The following PAX7 variants were observed in gnomAD, a reference collection of about 807,000 sequenced individuals.
PAX7 encodes paired box protein Pax-7.
In PAX7, 18 loss-of-function variants were observed where a neutral mutation model predicts 50.7. That is an observed-to-expected ratio of 0.36 (90% CI 0.25 to 0.53). The LOEUF (loss-of-function observed/expected upper bound fraction) is 0.53. PAX7 is among the 20% of genes least tolerant of loss of function. The pLI is 0.93. For missense variants in PAX7, 644 were observed against 702.9 expected, an observed-to-expected ratio of 0.92 and a Z score of 0.95; for synonymous variants, 310 against 290.4, an observed-to-expected ratio of 1.07 and a Z score of -0.69.
At position 18,682,765 on chromosome 1, in the gene PAX7, G is replaced by A. The variant is rs1371491926; in HGVS notation, c.587-8989G>A. ...CCTTAAGACATTCTCGGCCCCTCCTGGGTCTGCCTGGGAAGGGGAGAGAGG... is the reference window on the plus strand; with the variant it reads ...CCTTAAGACATTCTCGGCCCCTCCTAGGTCTGCCTGGGAAGGGGAGAGAGG... On this transcript the variant is annotated intron_variant, in intron 4 of 8. Transcript: ENST00000420770. Among the ~76,000 whole-genome samples the A allele has an allele frequency of 2.6e-5, 4 of 152,192 alleles. No homozygotes were observed. The South Asian group carries it at 8.3e-4, about 32-fold the overall frequency.
intron 7 of PAX7, among the ~76,000 whole-genome samples, chr1:18,732,502 T>C (rs1207517558): frequency 6.6e-6 from 1 of 152,180 alleles, no homozygotes; most frequent in Admixed American, 6.5e-5. Context: ...GACTGGCACA[T>C]AGTAGCACCC....
At chr1:18,671,519 G>A (rs2100237609) in intron 4 of PAX7, among the ~76,000 whole-genome samples, 1 of 152,296 alleles carries the variant, frequency 6.6e-6, no homozygotes, top group Non-Finnish European at 1.5e-5. Flanking sequence ...GGGCCAGGTG[G>A]GAGGAGGGTG....
At chr1:18,723,157 G>A (rs1447751837) in intron 7 of PAX7, among the ~76,000 whole-genome samples, 2 of 152,112 alleles carry the variant, frequency 1.3e-5, no homozygotes, top group Non-Finnish European at 2.9e-5. Flanking sequence ...GCTCTCTAAG[G>A]AATGGCCATC....
intron 7 of PAX7, among the ~76,000 whole-genome samples, chr1:18,704,509 A>G (rs1054818284): frequency 6.6e-6 from 1 of 152,142 alleles, no homozygotes; most frequent in African/African-American, 2.4e-5. Flanking sequence ...AATTTCAGCT[A>G]CTTGGGAGGC....
chr1:18,717,300 C>CG (rs1286896430), intron 7 of PAX7, among the ~76,000 whole-genome samples: 2 of 152,196 alleles, frequency 1.3e-5, no homozygotes, highest in Admixed American at 1.3e-4. Flanking sequence ...TCGGCCGTCT[C>CG]GGGACGGGGC....
intron 7 of PAX7, among the ~76,000 whole-genome samples, chr1:18,708,807 C>T (rs954668981): frequency 5.3e-5 from 8 of 151,974 alleles, no homozygotes; most frequent in East Asian, 1.9e-4. Flanking sequence ...CATAGTCTGA[C>T]GGAAGAGACA....
chr1:18,737,371 C>T (rs12145271), intron 8 of PAX7, among the ~76,000 whole-genome samples: 7,062 of 152,124 alleles, frequency 0.046, 229 homozygotes, highest in East Asian at 0.088. Flanking sequence ...TTGGCCTCCA[C>T]TGCCAAATGA....
At chr1:18,656,835 TA>T (rs1266711948) in intron 4 of PAX7, among the ~76,000 whole-genome samples, 1 of 150,484 alleles carries the variant, frequency 6.6e-6, no homozygotes, top group Non-Finnish European at 1.5e-5. Flanking sequence ...TACCAAAAAA[TA>T]AAAAAATTAG....
chr1:18,730,691 A>G (rs1416791738), intron 7 of PAX7, among the ~76,000 whole-genome samples: 1 of 152,106 alleles, frequency 6.6e-6, no homozygotes, highest in Non-Finnish European at 1.5e-5. Context: ...GAGGGAACTA[A>G]TTACATTTTT....
rs1253282775 is a variant in PAX7, at chr1:18,747,189, G to C, written c.*2260G>C. Reference sequence around the variant, plus strand: ...GTATCCTGACACCCTCTGTGACTCAGGAGCAGGGATCTCAGGCAGCTGATA... The same window carrying C: ...GTATCCTGACACCCTCTGTGACTCACGAGCAGGGATCTCAGGCAGCTGATA... On this transcript the variant is annotated 3_prime_UTR_variant, in exon 9 of 9. Coordinates refer to ENST00000420770, the MANE Select transcript of PAX7 (RefSeq NM_001135254.2). 1 of 230,488 alleles carries C rather than the reference G, an allele frequency of 4.3e-6. No individual in the cohort carries two copies. Among genetic ancestry groups the C allele is most frequent in the South Asian group, 1.8e-4 (1 of 5,504 alleles). The allele number at this position is 230,488 out of a possible 1,614,324, so 14.3% of individuals were successfully genotyped here.
chr1:18,678,070 A>G (rs2088848559), intron 4 of PAX7, among the ~76,000 whole-genome samples: 1 of 134,256 alleles, frequency 7.4e-6, no homozygotes, highest in African/African-American at 2.8e-5. Flanking sequence ...TGACAGAGCG[A>G]GACTCCGTCT....
At chr1:18,691,671 T>C in intron 4 of PAX7, 83 bp from the exon 5 acceptor site, 2 of 1,255,852 alleles carry the variant, frequency 1.6e-6, no homozygotes, top group South Asian at 2.7e-5. Context: ...GGCACGAGTG[T>C]GCCTTGTGCT....
chr1:18,682,946 G>C (rs1361152477), intron 4 of PAX7, among the ~76,000 whole-genome samples: 2 of 152,150 alleles, frequency 1.3e-5, no homozygotes, highest in Non-Finnish European at 2.9e-5. Flanking sequence ...CTGCACAGCT[G>C]CCCAGCTGCC....
At chr1:18,691,487 GT>G (rs2089069106) in intron 4 of PAX7, among the ~76,000 whole-genome samples, 1 of 152,166 alleles carries the variant, frequency 6.6e-6, no homozygotes, top group Admixed American at 6.5e-5. Context: ...TTGTTTGTTT[GT>G]TTGTTTTTCC....
At chr1:18,711,395 C>T (rs1259808692) in intron 7 of PAX7, among the ~76,000 whole-genome samples, 1 of 152,184 alleles carries the variant, frequency 6.6e-6, no homozygotes, top group Non-Finnish European at 1.5e-5. Flanking sequence ...CTGGCCTCCA[C>T]CTCTGCCTCA....
rs2089200250 is a variant in PAX7, at chr1:18,700,200, T to G, written c.787-453T>G. On this transcript the variant is annotated intron_variant, in intron 5 of 8. Transcript: ENST00000420770. The surrounding 1 kb of genome is among the most constrained non-coding windows in gnomAD (Gnocchi z 4.8). ...AAAGAACCCGGCTTGCACATCTGGG[T>G]CTGAAGTGCAGGTCTCATTCAGGTG... Among the ~76,000 whole-genome samples the G allele has an allele frequency of 1.3e-5, 2 of 151,668 alleles. No individual in the cohort carries two copies. The highest frequency in any genetic ancestry group is 1.5e-5 in the Non-Finnish European group (1 of 67,922).
intron 4 of PAX7, among the ~76,000 whole-genome samples, chr1:18,654,569 T>A (rs944656060): frequency 2.0e-5 from 3 of 152,180 alleles, no homozygotes; most frequent in Non-Finnish European, 4.4e-5. Context: ...GCAGGTGCCA[T>A]CTGAGAACTA....
chr1:18,747,252 C>T lies in PAX7; in HGVS notation c.*2323C>T, dbSNP rs1265802710. 1 of 230,304 alleles carries T rather than the reference C, an allele frequency of 4.3e-6. No individual in the cohort carries two copies. The highest frequency in any genetic ancestry group is 8.6e-6 in the Non-Finnish European group (1 of 116,316). The allele number at this position is 230,304 out of a possible 1,614,324, so 14.3% of individuals were successfully genotyped here. ...AGCCCCATCCCCAGGAGGCGACATT[C>T]CAATGCTAGGACCAATCCCAGATAT... On this transcript the variant is annotated 3_prime_UTR_variant, in exon 9 of 9. Transcript: ENST00000420770.
At chr1:18,705,763 G>T (rs1054573116) in intron 7 of PAX7, among the ~76,000 whole-genome samples, 2 of 152,290 alleles carry the variant, frequency 1.3e-5, no homozygotes, top group South Asian at 4.2e-4. Flanking sequence ...TCTCCTGGAA[G>T]TTCCTAAGTT....
Sources: gnomAD v4.1 joint callset for allele counts (sites outside exome capture counted in the v4.1 genomes callset) on GRCh38, gnomAD v4.1.1 for gene constraint, Gnocchi (gnomAD v3.1) non-coding constraint, MANE v1.5 for transcripts, NCBI Gene and HGNC (gene_info 2026-07-23, HGNC 2026-07-21) for gene names.